The following ADAMTS18 variants were observed in gnomAD, a reference collection of about 807,000 sequenced individuals.
The protein encoded by ADAMTS18 is A disintegrin and metalloproteinase with thrombospondin motifs 18.
In ADAMTS18, 157 loss-of-function variants were observed where a neutral mutation model predicts 165.9. The ratio of observed to expected loss-of-function variants is 0.95; its 90% CI spans 0.83 to 1.08. The LOEUF (loss-of-function observed/expected upper bound fraction) is 1.08. ADAMTS18 is among the 50% of genes least tolerant of loss of function. The pLI is 0.00. For synonymous variants in ADAMTS18, 782 were observed against 578.2 expected, an observed-to-expected ratio of 1.35 and a Z score of -5.06; for missense variants, 2,040 against 1,534.0, an observed-to-expected ratio of 1.33 and a Z score of -5.51.
rs2056097286 is a variant in ADAMTS18 at position 77,326,451 on chromosome 16, T to A, written c.1860-413A>T. On this transcript the variant is annotated intron_variant, in intron 12 of 22. Coordinates refer to ENST00000282849, the MANE Select transcript of ADAMTS18 (RefSeq NM_199355.4). Reference sequence around the variant, plus strand: ...AGTCTGGAATGCAGTGGCGTGATCTTGGCTCACTGCTGCCTCCACCTCTCT... The same window carrying A: ...AGTCTGGAATGCAGTGGCGTGATCTAGGCTCACTGCTGCCTCCACCTCTCT... Among the ~76,000 whole-genome samples the A allele has an allele frequency of 2.0e-5, 3 of 152,330 alleles. No homozygotes were observed. The South Asian group carries it at 6.2e-4, about 32-fold the overall frequency.
intron 3 of ADAMTS18, among the ~76,000 whole-genome samples, chr16:77,384,066 C>T (rs960857692): frequency 6.6e-6 from 1 of 151,972 alleles, no homozygotes; most frequent in Non-Finnish European, 1.5e-5. Flanking sequence ...AAGGCTGGGA[C>T]TTTGTGCCTG....
intron 3 of ADAMTS18, among the ~76,000 whole-genome samples, chr16:77,426,961 C>T (rs547491633): frequency 1.3e-5 from 2 of 152,198 alleles, no homozygotes; most frequent in East Asian, 3.9e-4. Context: ...CTCCAGTGAG[C>T]CATGATTATA....
At chr16:77,432,801 C>T (rs1409175822) in intron 2 of ADAMTS18, among the ~76,000 whole-genome samples, 1 of 151,794 alleles carries the variant, frequency 6.6e-6, no homozygotes, top group African/African-American at 2.4e-5. Context: ...ATAGTGGAGC[C>T]CCTGTAGCTA....
chr16:77,378,345 A>C (rs1053253879), intron 3 of ADAMTS18, among the ~76,000 whole-genome samples: 6 of 65,054 alleles, frequency 9.2e-5, no homozygotes, highest in Admixed American at 1.8e-4. Context: ...AAAAACAAAA[A>C]AAAACAAAAA....
At chr16:77,324,858 T>C (rs2056065037) in intron 13 of ADAMTS18, among the ~76,000 whole-genome samples, 1 of 152,228 alleles carries the variant, frequency 6.6e-6, no homozygotes, top group Admixed American at 6.5e-5. Context: ...ACCTCATTAC[T>C]TCCTCCTAAG....
intron 3 of ADAMTS18, among the ~76,000 whole-genome samples, chr16:77,385,850 C>A (rs1420368095): frequency 6.6e-6 from 1 of 152,102 alleles, no homozygotes; most frequent in African/African-American, 2.4e-5. Flanking sequence ...CCCTCCTCAC[C>A]CCCTGCCTTG....
intron 3 of ADAMTS18, among the ~76,000 whole-genome samples, chr16:77,390,488 G>A (rs1597214011): frequency 6.6e-6 from 1 of 152,002 alleles, no homozygotes. Context: ...TCAGGAGTTT[G>A]AGACCAGCCT....
At chr16:77,314,753 C>CTTTATATATATATATATAT (rs1555511655) in intron 16 of ADAMTS18, among the ~76,000 whole-genome samples, 1 of 36,902 alleles carries the variant, frequency 2.7e-5, no homozygotes, top group African/African-American at 1.1e-4. Flanking sequence ...TCTCAGGTTT[C>CTTTATATATATATATATAT]ATATATATAT....
chr16:77,396,725 C>A (rs981038677), intron 3 of ADAMTS18, among the ~76,000 whole-genome samples: 1 of 151,832 alleles, frequency 6.6e-6, no homozygotes, highest in Non-Finnish European at 1.5e-5. Flanking sequence ...ATTCCAAAAA[C>A]ATTACTGTTG....
rs2144877011 is a variant in ADAMTS18, at chr16:77,434,887, C to A, written c.-192G>T. ...TCCGGCCGCCTGCGCGCCCTCCCTT[C>A]TCCCGGCGCGGGCCTGCCGAGCTGC... On this transcript the variant is annotated 5_prime_UTR_variant, in exon 1 of 23. Coordinates refer to ENST00000282849, the MANE Select transcript of ADAMTS18 (RefSeq NM_199355.4). The A allele has an allele frequency of 4.6e-6, 2 of 435,556 alleles. No individual in the cohort carries two copies. The highest frequency in any genetic ancestry group is 8.2e-5 in the East Asian group (2 of 24,334). 27.0% of individuals were successfully genotyped at this position (435,556 alleles called of 1,614,324 possible).
At chr16:77,337,991 C>T (rs1325282727) in intron 11 of ADAMTS18, among the ~76,000 whole-genome samples, 1 of 151,422 alleles carries the variant, frequency 6.6e-6, no homozygotes, top group Non-Finnish European at 1.5e-5. Context: ...GCAACCTCCG[C>T]CTCCCAGGTT....
chr16:77,400,567 C>T (rs1421072300), intron 3 of ADAMTS18, among the ~76,000 whole-genome samples: 3 of 151,316 alleles, frequency 2.0e-5, no homozygotes, highest in African/African-American at 4.9e-5. Context: ...CTGCAAGCTC[C>T]GCCTCCCGGG....
chr16:77,366,600 GA>G (rs2056798394), intron 4 of ADAMTS18, among the ~76,000 whole-genome samples: 1 of 152,086 alleles, frequency 6.6e-6, no homozygotes, highest in African/African-American at 2.4e-5. Context: ...CAAGCAAAAA[GA>G]AAATGTTTTA....
At chr16:77,346,861 C>T (rs942855118) in intron 10 of ADAMTS18, among the ~76,000 whole-genome samples, 1 of 151,670 alleles carries the variant, frequency 6.6e-6, no homozygotes, top group Non-Finnish European at 1.5e-5. Context: ...TTTAAGTGTA[C>T]TGTTCCATGC....
chr16:77,296,701 TC>T (rs1395793859), intron 18 of ADAMTS18, among the ~76,000 whole-genome samples: 11 of 152,168 alleles, frequency 7.2e-5, no homozygotes, highest in Admixed American at 3.3e-4. Flanking sequence ...GCACCTGTAA[TC>T]CCAGCTACTA....
At chr16:77,319,786 T>C (rs1284985335) in intron 16 of ADAMTS18, 63 bp downstream of exon 16, 6 of 1,611,760 alleles carry the variant, frequency 3.7e-6, no homozygotes, top group Admixed American at 1.7e-5. Context: ...CTGGCTCAAA[T>C]TGCAGTCAAC....
intron 18 of ADAMTS18, among the ~76,000 whole-genome samples, chr16:77,295,446 C>T: frequency 6.6e-6 from 1 of 152,136 alleles, no homozygotes; most frequent in Non-Finnish European, 1.5e-5. Context: ...CAGGGACTCT[C>T]CTAAGCATTA....
intron 3 of ADAMTS18, among the ~76,000 whole-genome samples, chr16:77,376,564 G>C (rs1279651346): frequency 6.6e-6 from 1 of 152,152 alleles, no homozygotes; most frequent in Non-Finnish European, 1.5e-5. Context: ...CCCGCTACTG[G>C]ACTCTGTGTG....
chr16:77,410,601 A>G (rs941859322), intron 3 of ADAMTS18, among the ~76,000 whole-genome samples: 4 of 152,274 alleles, frequency 2.6e-5, no homozygotes, highest in Admixed American at 6.5e-5. Context: ...AGAACACAAT[A>G]TTTGTTGAGT....
Sources: allele counts gnomAD v4.1 joint callset (sites outside exome capture counted in the v4.1 genomes callset), GRCh38; gene constraint gnomAD v4.1.1; transcripts MANE v1.5; gene names NCBI Gene and HGNC (gene_info 2026-07-23, HGNC 2026-07-21).